Variants in DSCC1 observed in about 807,000 individuals in gnomAD.
DSCC1 encodes the protein sister chromatid cohesion protein DCC1.
DSCC1 carries 32 observed loss-of-function variants against 48.2 expected under a neutral mutation model. That is an observed-to-expected ratio of 0.66 (90% CI 0.50 to 0.89). The LOEUF (loss-of-function observed/expected upper bound fraction) is 0.89, where lower values mean the gene tolerates loss of function less well. DSCC1 is among the 40% of genes least tolerant of loss of function. The pLI is 0.00. For synonymous variants in DSCC1, 150 were observed against 171.5 expected (o/e 0.87, Z 0.98); for missense variants, 421 against 471.7 (o/e 0.89, Z 1.00).
At chr8:119,855,206 G>A (rs12334414) in intron 1 of DSCC1, among the ~76,000 whole-genome samples, 7,010 of 152,270 alleles carry the variant, frequency 0.046, 270 homozygotes, top group South Asian at 0.13. Context: ...CTGATTCCCA[G>A]CACTTCCTAT....
intron 7 of DSCC1, chr8:119,840,288 T>C (rs1008052295): frequency 2.0e-5 from 3 of 152,098 alleles, no homozygotes; most frequent in African/African-American, 4.8e-5. Context: ...GAGAGTGCCA[T>C]GAAGGAAAGA....
rs553698964 is a variant in DSCC1, at chr8:119,834,773, G to A, written c.*120C>T. 1.4e-5 allele frequency: 10 copies of A among 690,988 alleles called. No homozygotes were observed. The East Asian group carries it at 2.7e-4, about 19-fold the overall frequency. 42.8% of individuals were successfully genotyped at this position (690,988 alleles called of 1,614,324 possible). ...GTAGTTTCAAAATGCTTAAGATGAGGAGAAAAATGCCTTAGAAGACTAGGT... is the reference window on the plus strand; with the variant it reads ...GTAGTTTCAAAATGCTTAAGATGAGAAGAAAAATGCCTTAGAAGACTAGGT... On this transcript the variant is annotated 3_prime_UTR_variant, in exon 9 of 9. Coordinates refer to ENST00000313655, the MANE Select transcript of DSCC1 (RefSeq NM_024094.3).
At position 119,834,377 on chromosome 8, in the gene DSCC1, T is replaced by A. The variant is rs1826635180; in HGVS notation, c.*516A>T. 1 of 153,246 alleles carries A rather than the reference T, an allele frequency of 6.5e-6. No individual in the cohort carries two copies. The highest frequency in any genetic ancestry group is 2.1e-4 in the South Asian group (1 of 4,868). 9.5% of individuals were successfully genotyped at this position (153,246 alleles called of 1,614,324 possible). A position where few individuals can be genotyped will look rare whatever the true frequency, so the allele number is the denominator to read the frequency against. ...TGTCTACGCCAGGCAGAGGAGTAATTATTCAGCCAATTTCATGGATGTAAA... is the reference window on the plus strand; with the variant it reads ...TGTCTACGCCAGGCAGAGGAGTAATAATTCAGCCAATTTCATGGATGTAAA... On this transcript the variant is annotated 3_prime_UTR_variant, in exon 9 of 9. Coordinates refer to ENST00000313655, the MANE Select transcript of DSCC1 (RefSeq NM_024094.3).
chr8:119,841,762 T>A (rs1826772874), intron 7 of DSCC1, 32 bp downstream of exon 7: 1 of 1,599,384 alleles, frequency 6.3e-7, no homozygotes, highest in East Asian at 2.2e-5. Context: ...AATCAACTGT[T>A]GAAGTAAGGT....
intron 6 of DSCC1, among the ~76,000 whole-genome samples, chr8:119,842,175 G>A (rs184652864): frequency 2.0e-5 from 3 of 152,024 alleles, no homozygotes; most frequent in African/African-American, 7.2e-5. Context: ...TTGGGTTCAA[G>A]TGATTCTCCT....
At chr8:119,839,895 A>G (rs1473360667) in intron 7 of DSCC1, 4 of 152,244 alleles carry the variant, frequency 2.6e-5, no homozygotes, top group Non-Finnish European at 4.4e-5. Context: ...TCCGTCAGAA[A>G]GTCATCCGTG....
At chr8:119,843,850 C>T in intron 4 of DSCC1, 103 bp from the exon 5 acceptor site, 1 of 1,163,286 alleles carries the variant, frequency 8.6e-7, no homozygotes, top group South Asian at 1.5e-5. Context: ...GATCTCAGCT[C>T]ATCGCAACCT....
At chr8:119,847,451 T>C (rs2131305023) in intron 3 of DSCC1, among the ~76,000 whole-genome samples, 1 of 152,234 alleles carries the variant, frequency 6.6e-6, no homozygotes, top group Admixed American at 6.5e-5. Context: ...TTAAGAGCAG[T>C]CAAATTCAGA....
chr8:119,848,191 G>A (rs1316295173), intron 3 of DSCC1, among the ~76,000 whole-genome samples: 1 of 151,980 alleles, frequency 6.6e-6, no homozygotes, highest in African/African-American at 2.4e-5. Flanking sequence ...TCAAACTCCT[G>A]GACTGAAGCA....
chr8:119,854,807 A>T (rs919079137), intron 1 of DSCC1, among the ~76,000 whole-genome samples: 1 of 152,250 alleles, frequency 6.6e-6, no homozygotes, highest in Non-Finnish European at 1.5e-5. Flanking sequence ...TTTGAGGTAT[A>T]TAGCAGGTAT....
At position 119,841,938 on chromosome 8, in the gene DSCC1, A is replaced by G; in HGVS notation, c.780T>C (p.Tyr260=). 3 of 1,613,628 alleles carry G rather than the reference A, an allele frequency of 1.9e-6. No homozygotes were observed. Among genetic ancestry groups the G allele is most frequent in the African/African-American group, 1.3e-5 (1 of 75,038 alleles). ...ATATTTTATCAGCATCCAACTCAAA[A>G]TAAACTTCGCCTAAGGAAAAGTTAT... ...GKKYVDEGEV[Y]FELDADKICR... is the part of the protein sequence containing the mutation. Residue 260 remains tyrosine (Y), a synonymous_variant, in exon 7 of 9, where the codon TAT becomes TAC. Transcript: ENST00000313655.
In DSCC1 at chr8:119,850,376, TCTTA is replaced by T. The variant is rs1563946883; in HGVS notation, c.486+2_486+5del. ...TTCCAAATAAAAAAGTGAAAATAAG[TCTTA>T]CTTTTGAGCTATTTGAATCCTTCTC... On this transcript the variant is annotated splice_donor_variant and splice_donor_5th_base_variant and intron_variant, in intron 3 of 8. Transcript: ENST00000313655. LOFTEE classifies it high-confidence loss of function. The T allele has an allele frequency of 6.4e-7, 1 of 1,553,688 alleles. No homozygotes were observed. The highest frequency in any genetic ancestry group is 8.6e-7 in the Non-Finnish European group (1 of 1,159,372).
In DSCC1 at chr8:119,841,862, C is replaced by T. The variant is rs748644620; in HGVS notation, c.856G>A (p.Ala286Thr). 3.7e-6 allele frequency: 6 copies of T among 1,614,078 alleles called. No individual in the cohort carries two copies. Among genetic ancestry groups the T allele is most frequent in the African/African-American group, 1.3e-5 (1 of 75,048 alleles). The stretch of plus-strand genomic sequence containing the variant: ...TGCTGCCACACTTCTTGAAACTCAG[C>T]GAGATTGAATTTCACCGCATTCTGA... ...LLQNAVKFNL[A>T]EFQEVWQQSV... Residue 286 changes from alanine (A) to threonine (T), a missense_variant, in exon 7 of 9, where the codon GCT becomes ACT. Physicochemically the swap from Ala to Thr is moderately conservative, Grantham distance 58. Coordinates refer to ENST00000313655, the MANE Select transcript of DSCC1 (RefSeq NM_024094.3).
chr8:119,834,528 T>C lies in DSCC1; in HGVS notation c.*365A>G. 1 of 190,884 alleles carries C rather than the reference T, an allele frequency of 5.2e-6. No homozygotes were observed. Among genetic ancestry groups the C allele is most frequent in the South Asian group, 9.6e-5 (1 of 10,448 alleles). The allele number at this position is 190,884 out of a possible 1,614,324, so 11.8% of individuals were successfully genotyped here. On this transcript the variant is annotated 3_prime_UTR_variant, in exon 9 of 9. Coordinates refer to ENST00000313655, the MANE Select transcript of DSCC1 (RefSeq NM_024094.3). ...AATAAATAGTTCTCTTCTATGAAAC[T>C]ATTACTATTTAGTTCTCTGGAAAAC...
Position 119,850,502 on chromosome 8 carries a change from A to AG in DSCC1, c.365dup (p.Asn123Ter). On this transcript the variant is annotated frameshift_variant, in exon 3 of 9. Transcript: ENST00000313655. LOFTEE classifies it high-confidence loss of function. The stretch of plus-strand genomic sequence containing the variant: ...GTCTTCTTAATTCCCAATAATTATT[A>AG]GAAAAACCAAAGATCTAGAAATTAT... 1 of 1,570,192 alleles carries AG rather than the reference A, an allele frequency of 6.4e-7. No individual in the cohort carries two copies. The highest frequency in any genetic ancestry group is 8.6e-7 in the Non-Finnish European group (1 of 1,166,282).
intron 8 of DSCC1, among the ~76,000 whole-genome samples, chr8:119,837,602 G>A (rs1311978960): frequency 6.6e-6 from 1 of 152,230 alleles, no homozygotes; most frequent in Non-Finnish European, 1.5e-5. Flanking sequence ...GCTTCATTGT[G>A]TATTCTCCAA....
At chr8:119,837,367 A>G (rs1292480458) in intron 8 of DSCC1, among the ~76,000 whole-genome samples, 2 of 152,214 alleles carry the variant, frequency 1.3e-5, no homozygotes, top group East Asian at 1.9e-4. Context: ...AGGTGTACAC[A>G]TGAGGAGGTT....
intron 3 of DSCC1, among the ~76,000 whole-genome samples, chr8:119,847,642 G>A (rs1457625362): frequency 1.3e-5 from 2 of 149,612 alleles, no homozygotes; most frequent in Non-Finnish European, 3.0e-5. Context: ...CTTTAAAATG[G>A]TAAATTTTAT....
At chr8:119,850,650 GT>G (rs1180921429) in intron 2 of DSCC1, 134 bp from the exon 3 acceptor site, 22 of 736,942 alleles carry the variant, frequency 3.0e-5, no homozygotes, top group Non-Finnish European at 4.4e-5. Flanking sequence ...TATCAGGAAG[GT>G]ATTTATCCAG....
Sources: allele counts gnomAD v4.1 joint callset (sites outside exome capture counted in the v4.1 genomes callset), GRCh38; gene constraint gnomAD v4.1.1; transcripts MANE v1.5; gene names NCBI Gene and HGNC (gene_info 2026-07-23, HGNC 2026-07-21).